NPEPPS: variants seen among roughly 807,000 people sequenced by gnomAD.
The protein encoded by NPEPPS is aminopeptidase puromycin sensitive, also known as puromycin-sensitive aminopeptidase.
Under a neutral mutation model 115.5 loss-of-function variants are expected in NPEPPS, and 14 were observed. The observed-to-expected ratio is 0.12, with a 90% confidence interval of 0.08 to 0.19. The LOEUF is 0.19. Among genes scored for constraint, NPEPPS ranks in the 10% least tolerant of loss-of-function variants. The probability of loss-of-function intolerance (pLI) is 1.00; values close to 1 mark genes in which losing one functional copy is unlikely to be tolerated. For synonymous variants in NPEPPS, 285 were observed against 390.6 expected, an observed-to-expected ratio of 0.73 and a Z score of 3.19; for missense variants, 523 against 1,110.8, an observed-to-expected ratio of 0.47 and a Z score of 7.52.
chr17:47,612,446 A>C lies in NPEPPS; in HGVS notation c.2096-14A>C. 6.2e-7 allele frequency: 1 copy of C among 1,613,096 alleles called. No homozygotes were observed. The highest frequency in any genetic ancestry group is 1.3e-5 in the African/African-American group (1 of 74,980). ...TTTTAAGTAGTCTTATGTCTCTTTT[A>C]CTTCTCAAATCAGGTCATCTCGATG... On this transcript the variant is annotated splice_polypyrimidine_tract_variant and intron_variant, in intron 17 of 22. Coordinates refer to ENST00000322157, the MANE Select transcript of NPEPPS (RefSeq NM_006310.4).
intron 3 of NPEPPS, among the ~76,000 whole-genome samples, chr17:47,572,312 A>C (rs183290864): frequency 6.6e-6 from 1 of 152,174 alleles, no homozygotes; most frequent in Non-Finnish European, 1.5e-5. Flanking sequence ...GTCTACTCAC[A>C]TTTCATTGAC....
intron 16 of NPEPPS, among the ~76,000 whole-genome samples, chr17:47,604,897 T>G (rs1394936477): frequency 6.6e-6 from 1 of 152,234 alleles, no homozygotes; most frequent in African/African-American, 2.4e-5. Flanking sequence ...TGACACAGTT[T>G]GCAGGTCCGG....
chr17:47,599,679 G>T lies in NPEPPS; in HGVS notation c.1540G>T (p.Glu514Ter). The change falls in exon 14 of 23, where the codon GAA becomes TAA. Residue 514 changes from glutamate (E) to a stop codon, truncating the protein, a stop_gained. Coordinates refer to ENST00000322157, the MANE Select transcript of NPEPPS (RefSeq NM_006310.4). LOFTEE classifies it high-confidence loss of function. ...PLIYVEAEQVEDDRLLRLSQK... is the reference protein window; with the variant it reads ...PLIYVEAEQV ...AGCCTTTGTTTTGCTTCTTTAGGTA[G>T]AAGATGACAGATTATTGAGGTTGTC... is the stretch of plus-strand genomic sequence containing the variant. The T allele has an allele frequency of 6.4e-7, 1 of 1,559,554 alleles. No individual in the cohort carries two copies. The highest frequency in any genetic ancestry group is 8.7e-7 in the Non-Finnish European group (1 of 1,150,274).
Position 47,587,294 on chromosome 17 carries a change from G to A in NPEPPS, c.1045G>A (p.Val349Ile), listed in dbSNP as rs1301570877. The change falls in exon 9 of 23, where the codon GTT becomes ATT. Residue 349 changes from valine (V) to isoleucine (I), a missense_variant. Around this residue, in one of 4 missense-constraint regions of NPEPPS, gnomAD observed 144 missense variants for 512.4 expected, o/e 0.28. Coordinates refer to ENST00000322157, the MANE Select transcript of NPEPPS (RefSeq NM_006310.4). ...CSSSRQWVALVVGHELAHQWF... is the reference protein window; with the variant it reads ...CSSSRQWVALIVGHELAHQWF... ...TTCATCCCGCCAGTGGGTTGCTCTG[G>A]TTGTGGGACATGAACTCGCCCATCA... 1.2e-6 allele frequency: 2 copies of A among 1,610,066 alleles called. No homozygotes were observed. Among genetic ancestry groups the A allele is most frequent in the Non-Finnish European group, 1.7e-6 (2 of 1,178,760 alleles).
intron 2 of NPEPPS, among the ~76,000 whole-genome samples, chr17:47,558,483 G>A (rs1468888786): frequency 7.2e-5 from 11 of 152,100 alleles, no homozygotes. Flanking sequence ...ATGCTGGAGT[G>A]CAGTGGCTAG....
In NPEPPS at chr17:47,612,549, T is replaced by C. The variant is rs756889043; in HGVS notation, c.2185T>C (p.Phe729Leu). Residue 729 changes from phenylalanine to leucine, a missense_variant, in exon 18 of 23, where the codon TTT becomes CTT. Coordinates refer to ENST00000322157, the MANE Select transcript of NPEPPS (RefSeq NM_006310.4). ...AACGTTAGAAGAAGCCCGTCGTCGGTTTAAGGACCACGTGGAAGGAAAACA... is the reference window on the plus strand; with the variant it reads ...AACGTTAGAAGAAGCCCGTCGTCGGCTTAAGGACCACGTGGAAGGAAAACA... ...KATLEEARRR[F>L]KDHVEGKQIL... 1.2e-6 allele frequency: 2 copies of C among 1,613,794 alleles called. No homozygotes were observed. The highest frequency in any genetic ancestry group is 2.7e-5 in the African/African-American group (2 of 74,894).
In NPEPPS at chr17:47,622,777, A is replaced by G; in HGVS notation, c.*857A>G. 2.3e-6 allele frequency: 1 copy of G among 426,494 alleles called. No individual in the cohort carries two copies. The highest frequency in any genetic ancestry group is 3.1e-5 in the Admixed American group (1 of 32,486). The allele number at this position is 426,494 out of a possible 1,614,324, so 26.4% of individuals were successfully genotyped here. On this transcript the variant is annotated 3_prime_UTR_variant, in exon 23 of 23. Transcript: ENST00000322157. ...AATTTATATAGGTGAGACAATAGAAATAAAAAGATCTTCAGCCAGGCCTTT... is the reference window on the plus strand; with the variant it reads ...AATTTATATAGGTGAGACAATAGAAGTAAAAAGATCTTCAGCCAGGCCTTT...
At position 47,587,085 on chromosome 17, in the gene NPEPPS, A is replaced by G. The variant is rs1889375819; in HGVS notation, c.981-145A>G. 1.2e-5 allele frequency: 8 copies of G among 678,934 alleles called. No individual in the cohort carries two copies. In the Admixed American group the frequency reaches 1.8e-4, roughly 15 times the overall value. The allele number at this position is 678,934 out of a possible 1,614,324, so 42.1% of individuals were successfully genotyped here. A position where few individuals can be genotyped will look rare whatever the true frequency, so the allele number is the denominator to read the frequency against. On this transcript the variant is annotated intron_variant, in intron 8 of 22. Coordinates refer to ENST00000322157, the MANE Select transcript of NPEPPS (RefSeq NM_006310.4). ...TGGGGTAGTCTTTAATCTTCGTGAA[A>G]CTTTTTCTTTCCATATTAGGAAATA...
In NPEPPS at chr17:47,622,946, C is replaced by CTT; in HGVS notation, c.*1026_*1027insTT. ...GTGGTAACTGCTGCAGGGCTTAATA[C>CTT]ATTAGTGGTAACTGGTTTAAAAAAC... On this transcript the variant is annotated 3_prime_UTR_variant, in exon 23 of 23. Transcript: ENST00000322157. The CTT allele has an allele frequency of 2.2e-6, 1 of 455,946 alleles. No homozygotes were observed. The highest frequency in any genetic ancestry group is 1.5e-5 in the South Asian group (1 of 64,538). 28.2% of individuals were successfully genotyped at this position (455,946 alleles called of 1,614,324 possible). A position where few individuals can be genotyped will look rare whatever the true frequency, so the allele number is the denominator to read the frequency against.
At chr17:47,531,615 G>A in intron 1 of NPEPPS, 60 bp downstream of exon 1, 2 of 1,514,190 alleles carry the variant, frequency 1.3e-6, no homozygotes, top group Non-Finnish European at 1.8e-6. Context: ...CCGCGCCCGC[G>A]GGCTGGACTC....
At chr17:47,591,829 T>C (rs1455850988) in intron 10 of NPEPPS, 127 bp from the exon 11 acceptor site, 9 of 517,686 alleles carry the variant, frequency 1.7e-5, no homozygotes, top group East Asian at 3.2e-5. Flanking sequence ...ACCATCGTTA[T>C]ACATTATGAG....
chr17:47,616,336 C>A (rs1412016039), intron 19 of NPEPPS, among the ~76,000 whole-genome samples: 1 of 151,850 alleles, frequency 6.6e-6, no homozygotes, highest in East Asian at 1.9e-4. Context: ...TCACTTGAGG[C>A]CAGGAGTTCA....
intron 19 of NPEPPS, among the ~76,000 whole-genome samples, chr17:47,617,942 C>T (rs555839732): frequency 2.0e-4 from 31 of 152,172 alleles, no homozygotes; most frequent in African/African-American, 2.6e-4. Flanking sequence ...TGCAGTGGCA[C>T]GATCTCAGCT....
Position 47,612,357 on chromosome 17 carries a change from A to C in NPEPPS, c.2096-103A>C, listed in dbSNP as rs531534523. ...TAAGTTAATTGAGTGTGTTTGTTCA[A>C]GACCATAGAATTGGTATAGCACAAT... On this transcript the variant is annotated intron_variant, in intron 17 of 22. Coordinates refer to ENST00000322157, the MANE Select transcript of NPEPPS (RefSeq NM_006310.4). The C allele has an allele frequency of 6.8e-6, 8 of 1,179,292 alleles. No homozygotes were observed. The African/African-American group carries it at 1.2e-4, about 18-fold the overall frequency. The allele number at this position is 1,179,292 out of a possible 1,614,324, so 73.1% of individuals were successfully genotyped here.
At chr17:47,620,259 G>T (rs935268760) in intron 22 of NPEPPS, 1 of 152,356 alleles carries the variant, frequency 6.6e-6, no homozygotes, top group Non-Finnish European at 1.4e-5. Context: ...GAAAGCCTTC[G>T]AATGGTTTAT....
chr17:47,554,417 A>G (rs910611718), intron 2 of NPEPPS, among the ~76,000 whole-genome samples: 4 of 151,978 alleles, frequency 2.6e-5, no homozygotes, highest in Non-Finnish European at 5.9e-5. Flanking sequence ...GTTGGAGTGC[A>G]GTGGTGCCAT....
intron 3 of NPEPPS, among the ~76,000 whole-genome samples, chr17:47,575,418 T>C (rs967703612): frequency 8.6e-5 from 13 of 151,364 alleles, no homozygotes; most frequent in Admixed American, 6.7e-4. Context: ...GGTGAAGCTA[T>C]TTCAAATAAT....
At chr17:47,604,292 A>G (rs539036295) in intron 16 of NPEPPS, among the ~76,000 whole-genome samples, 1 of 152,326 alleles carries the variant, frequency 6.6e-6, no homozygotes, top group East Asian at 1.9e-4. Context: ...TTGTAAGGCA[A>G]AAAATTCCTT....
At chr17:47,613,332 C>A (rs1913996472) in intron 18 of NPEPPS, among the ~76,000 whole-genome samples, 1 of 127,618 alleles carries the variant, frequency 7.8e-6, no homozygotes, top group East Asian at 2.5e-4. Context: ...GTGGTGTGAT[C>A]TCGGCTCACT....
Sources: gnomAD v4.1 joint callset for allele counts (sites outside exome capture counted in the v4.1 genomes callset) on GRCh38, gnomAD v4.1.1 for gene constraint, gnomAD v4.1.1 regional missense constraint, MANE v1.5 for transcripts, NCBI Gene and HGNC (gene_info 2026-07-23, HGNC 2026-07-21) for gene names.